The following SOHLH2 variants were observed in gnomAD, a reference collection of about 807,000 sequenced individuals.
SOHLH2 encodes the protein spermatogenesis- and oogenesis-specific basic helix-loop-helix-containing protein 2.
A neutral mutation model predicts 50.4 loss-of-function variants in SOHLH2; 22 were observed. The ratio of observed to expected loss-of-function variants is 0.44; its 90% CI spans 0.31 to 0.62. The LOEUF (loss-of-function observed/expected upper bound fraction) is 0.62. Ranked by LOEUF, SOHLH2 falls within the 20% of genes least tolerant of loss-of-function variation. The pLI is 0.08. For missense variants in SOHLH2, 412 were observed against 504.4 expected (o/e 0.82, Z 1.76); for synonymous variants, 185 against 187.3 (o/e 0.99, Z 0.10).
chr13:36,203,805 T>C (rs1593958931), intron 1 of SOHLH2, among the ~76,000 whole-genome samples: 1 of 152,282 alleles, frequency 6.6e-6, no homozygotes, highest in East Asian at 1.9e-4. Context: ...TATCACATAT[T>C]TATCATGCAT....
At chr13:36,202,490 T>G (rs1868482022) in intron 1 of SOHLH2, among the ~76,000 whole-genome samples, 1 of 152,236 alleles carries the variant, frequency 6.6e-6, no homozygotes, top group African/African-American at 2.4e-5. Flanking sequence ...ATGATTTATT[T>G]TGGTGAAACA....
intron 1 of SOHLH2, among the ~76,000 whole-genome samples, chr13:36,209,169 T>A (rs1379692743): frequency 6.6e-6 from 1 of 152,184 alleles, no homozygotes; most frequent in Non-Finnish European, 1.5e-5. Flanking sequence ...TTTTTCAGAT[T>A]ACCAGCTTAG....
intron 1 of SOHLH2, among the ~76,000 whole-genome samples, chr13:36,212,448 TTA>T (rs1411528495): frequency 6.6e-6 from 1 of 152,202 alleles, no homozygotes; most frequent in Non-Finnish European, 1.5e-5. Flanking sequence ...GAATATTTAT[TTA>T]GTTTAAAATA....
chr13:36,169,585 C>T (rs1406580694), intron 10 of SOHLH2, among the ~76,000 whole-genome samples: 1 of 152,144 alleles, frequency 6.6e-6, no homozygotes, highest in Non-Finnish European at 1.5e-5. Flanking sequence ...ATTGAGTGCT[C>T]AAAACATGTT....
chr13:36,185,243 C>T (rs983540222), intron 6 of SOHLH2, among the ~76,000 whole-genome samples: 13 of 151,898 alleles, frequency 8.6e-5, no homozygotes, highest in South Asian at 4.1e-4. Context: ...CCGAGGTGGG[C>T]GGATCACGAG....
intron 1 of SOHLH2, among the ~76,000 whole-genome samples, chr13:36,205,970 ATTG>A (rs1423080471): frequency 6.6e-6 from 1 of 151,842 alleles, no homozygotes; most frequent in Non-Finnish European, 1.5e-5. Context: ...GAGTTTTTAT[ATTG>A]TTTAATGTTT....
intron 3 of SOHLH2, 28 bp from the exon 4 acceptor site, chr13:36,193,753 C>T (rs927903344): frequency 2.1e-5 from 33 of 1,603,712 alleles, no homozygotes; most frequent in Non-Finnish European, 2.7e-5. Flanking sequence ...AAATATTGAC[C>T]TTATAGTTTC....
In SOHLH2 at chr13:36,170,641, G is replaced by A. The variant is rs1212664892; in HGVS notation, c.1147C>T (p.Gln383Ter). 1.2e-6 allele frequency: 2 copies of A among 1,614,072 alleles called. No homozygotes were observed. The highest frequency in any genetic ancestry group is 1.7e-6 in the Non-Finnish European group (2 of 1,180,032). The change falls in exon 10 of 11, where the codon CAG (glutamine) becomes TAG (stop). Residue 383 changes from glutamine to a stop codon, truncating the protein, a stop_gained. Transcript: ENST00000379881. LOFTEE classifies it high-confidence loss of function. The part of the protein sequence containing the change: ...PSYDATAVTN[Q>*]NISIHLPSAM... Reference sequence around the variant, plus strand: ...GAAGGTAAATGAATTGAAATGTTCTGATTTGTTACAGCAGTTGCATCGTAG... The same window carrying A: ...GAAGGTAAATGAATTGAAATGTTCTAATTTGTTACAGCAGTTGCATCGTAG...
chr13:36,214,444 T>C, intron 1 of SOHLH2, 35 bp downstream of exon 1: 2 of 1,606,180 alleles, frequency 1.2e-6, no homozygotes, highest in Non-Finnish European at 1.7e-6. Flanking sequence ...CGCGAGGTTA[T>C]AAACGCAGCT....
chr13:36,187,185 G>A (rs905475315), intron 6 of SOHLH2, among the ~76,000 whole-genome samples: 1 of 152,066 alleles, frequency 6.6e-6, no homozygotes, highest in Non-Finnish European at 1.5e-5. Flanking sequence ...TAGATGAGTG[G>A]TTTTAGATTT....
chr13:36,181,473 C>T (rs7332189), intron 6 of SOHLH2, among the ~76,000 whole-genome samples: 60,719 of 151,814 alleles, frequency 0.4, 12,306 homozygotes, highest in South Asian at 0.42. Flanking sequence ...TTTGGCTTCA[C>T]AGCAATGCAT....
intron 6 of SOHLH2, 68 bp from the exon 7 acceptor site, chr13:36,174,937 C>T: frequency 1.3e-6 from 2 of 1,512,900 alleles, no homozygotes; most frequent in South Asian, 2.8e-5. Flanking sequence ...CAAAGACAAA[C>T]AACACTTCCT....
At chr13:36,172,268 T>C (rs1886980145) in intron 9 of SOHLH2, among the ~76,000 whole-genome samples, 1 of 152,232 alleles carries the variant, frequency 6.6e-6, no homozygotes, top group Admixed American at 6.5e-5. Flanking sequence ...AAAAATAACA[T>C]TGACAGGCAT....
intron 2 of SOHLH2, among the ~76,000 whole-genome samples, chr13:36,196,415 T>C (rs554135808): frequency 6.6e-6 from 1 of 152,110 alleles, no homozygotes; most frequent in Admixed American, 6.6e-5. Flanking sequence ...CAAGAGCCAC[T>C]ATGCCTAGCC....
At chr13:36,207,406 A>G (rs553472339) in intron 1 of SOHLH2, among the ~76,000 whole-genome samples, 66 of 151,820 alleles carry the variant, frequency 4.3e-4, no homozygotes, top group African/African-American at 1.5e-3. Context: ...CCTAATTTTT[A>G]TACCTTAAGT....
chr13:36,212,036 C>T (rs1869156089), intron 1 of SOHLH2, among the ~76,000 whole-genome samples: 1 of 152,104 alleles, frequency 6.6e-6, no homozygotes, highest in East Asian at 1.9e-4. Flanking sequence ...AGGCTCAGTT[C>T]CAGTGTCCCC....
At chr13:36,173,840 A>C (rs764034684) in intron 8 of SOHLH2, 30 bp from the exon 9 acceptor site, 1 of 1,612,460 alleles carries the variant, frequency 6.2e-7, no homozygotes, top group Non-Finnish European at 8.5e-7. Context: ...TTATTTGCAC[A>C]TTTTTCAAGG....
rs967740916 is a variant in SOHLH2, at chr13:36,214,378, A to G, written c.48+101T>C. 22 of 1,394,692 alleles carry G rather than the reference A, an allele frequency of 1.6e-5. No homozygotes were observed. In the Admixed American group the frequency reaches 3.1e-4, roughly 20 times the overall value. 86.4% of individuals were successfully genotyped at this position (1,394,692 alleles called of 1,614,324 possible). ...CGCTCCCCACAGTTCCCCGACAATGAGAGCTCCCCAGGCCGGGCTTTGAGG... is the reference window on the plus strand; with the variant it reads ...CGCTCCCCACAGTTCCCCGACAATGGGAGCTCCCCAGGCCGGGCTTTGAGG... On this transcript the variant is annotated intron_variant, in intron 1 of 10. Coordinates refer to ENST00000379881, the MANE Select transcript of SOHLH2 (RefSeq NM_017826.3).
At chr13:36,196,758 T>C (rs895871944) in intron 2 of SOHLH2, among the ~76,000 whole-genome samples, 3 of 152,190 alleles carry the variant, frequency 2.0e-5, no homozygotes, top group Non-Finnish European at 4.4e-5. Context: ...TATATGGATT[T>C]ATATGCCCTG....
Sources: allele counts gnomAD v4.1 joint callset (sites outside exome capture counted in the v4.1 genomes callset), GRCh38; gene constraint gnomAD v4.1.1; transcripts MANE v1.5; gene names NCBI Gene and HGNC (gene_info 2026-07-23, HGNC 2026-07-21).